POU2F3: variants seen among roughly 807,000 people sequenced by gnomAD.
POU2F3 encodes the protein POU domain, class 2, transcription factor 3.
A neutral mutation model predicts 59.2 loss-of-function variants in POU2F3; 23 were observed. The observed-to-expected ratio is 0.39, with a 90% confidence interval of 0.28 to 0.55. The LOEUF is 0.55. POU2F3 is among the 20% of genes least tolerant of loss of function. The pLI is 0.66. For missense variants in POU2F3, 473 were observed against 544.5 expected (o/e 0.87, Z 1.31); for synonymous variants, 190 against 214.6 (o/e 0.89, Z 1.00).
chr11:120,255,367 G>C (rs1939292630), intron 2 of POU2F3, among the ~76,000 whole-genome samples: 1 of 152,100 alleles, frequency 6.6e-6, no homozygotes, highest in African/African-American at 2.4e-5. Context: ...AAGCCGGGGA[G>C]CCCAGAGAGG....
At position 120,298,313 on chromosome 11, in the gene POU2F3, C is replaced by A. The variant is rs372543314; in HGVS notation, c.181C>A (p.Arg61=). The A allele has an allele frequency of 4.3e-6, 7 of 1,613,518 alleles. No individual in the cohort carries two copies. The highest frequency in any genetic ancestry group is 5.9e-6 in the Non-Finnish European group (7 of 1,179,774). ...CTCCCTGCAGCAGACCCTCTCCCAT[C>A]GGCCATGCCACCTGAGTCAAGGACC... ...SDSLQQTLSH[R]PCHLSQGPAM... Residue 61 remains arginine (R), a synonymous_variant, in exon 4 of 13, where the codon CGG becomes AGG. Transcript: ENST00000543440.
At chr11:120,260,454 C>A (rs903176380) in intron 2 of POU2F3, among the ~76,000 whole-genome samples, 1 of 152,210 alleles carries the variant, frequency 6.6e-6, no homozygotes, top group Non-Finnish European at 1.5e-5. Context: ...ACACTGGGCA[C>A]CTCCTCCATT....
rs1591433345 is a variant in POU2F3 at position 120,299,654 on chromosome 11, C to T, written c.289C>T (p.Leu97Phe). 6.2e-7 allele frequency: 1 copy of T among 1,613,948 alleles called. No individual in the cohort carries two copies. Among genetic ancestry groups the T allele is most frequent in the East Asian group, 2.2e-5 (1 of 44,882 alleles). Residue 97 changes from leucine to phenylalanine, a missense_variant, in exon 5 of 13, where the codon CTT becomes TTT. By Grantham distance (22) the Leu-to-Phe change is conservative (BLOSUM62 0). Coordinates refer to ENST00000543440, the MANE Select transcript of POU2F3 (RefSeq NM_014352.4). Reference protein sequence around the residue: ...DMASLHPLQQLVLVPGHLQSV... With the variant: ...DMASLHPLQQFVLVPGHLQSV... ...GGCTTCCCTCCATCCGCTCCAGCAG[C>T]TTGTGCTGGTTCCCGGCCACTTACA...
rs3824883 is a variant in POU2F3 at position 120,301,979 on chromosome 11, C to T, written c.362-307C>T. The T allele has an allele frequency of 0.036, 9,808 of 270,302 alleles. 2,460 individuals carry two copies. In the East Asian group the frequency reaches 0.6, roughly 17 times the overall value. The allele number at this position is 270,302 out of a possible 1,614,324, so 16.7% of individuals were successfully genotyped here. A position where few individuals can be genotyped will look rare whatever the true frequency, so the allele number is the denominator to read the frequency against. Reference sequence around the variant, plus strand: ...TTTCTTCAGCTCTGGTAATCAGATCCCAGAGTAGATCGTCTTGACCCTCCT... The same window carrying T: ...TTTCTTCAGCTCTGGTAATCAGATCTCAGAGTAGATCGTCTTGACCCTCCT... On this transcript the variant is annotated intron_variant, in intron 5 of 12. Transcript: ENST00000543440.
chr11:120,274,700 T>C (rs891437910), intron 3 of POU2F3, among the ~76,000 whole-genome samples: 3 of 152,118 alleles, frequency 2.0e-5, no homozygotes, highest in Non-Finnish European at 4.4e-5. Context: ...AAGATGCATA[T>C]TGGGGAGTTG....
In POU2F3 at chr11:120,291,096, G is replaced by T. The variant is rs1038831988; in HGVS notation, c.133-7169G>T. Among the ~76,000 whole-genome samples the T allele has an allele frequency of 3.3e-5, 5 of 152,236 alleles. No homozygotes were observed. The East Asian group carries it at 9.6e-4, about 29-fold the overall frequency. The stretch of plus-strand genomic sequence containing the variant: ...CATTATGTTTCCATATCAAACAGAT[G>T]TGTGTTTATCTGATTCTGAACCTTG... On this transcript the variant is annotated intron_variant, in intron 3 of 12. Transcript: ENST00000543440.
chr11:120,246,197 G>A (rs1276294022), intron 1 of POU2F3, among the ~76,000 whole-genome samples: 1 of 152,120 alleles, frequency 6.6e-6, no homozygotes, highest in Non-Finnish European at 1.5e-5. Flanking sequence ...TGATGCAAAA[G>A]GTGAGAGACC....
At chr11:120,277,311 A>G (rs1301769546) in intron 3 of POU2F3, among the ~76,000 whole-genome samples, 1 of 151,938 alleles carries the variant, frequency 6.6e-6, no homozygotes, top group East Asian at 1.9e-4. Flanking sequence ...AAATAAAAAA[A>G]TTTTAAAAAG....
At chr11:120,257,390 C>T (rs1281979407) in intron 2 of POU2F3, among the ~76,000 whole-genome samples, 4 of 151,986 alleles carry the variant, frequency 2.6e-5, no homozygotes, top group Admixed American at 2.6e-4. Flanking sequence ...GCCTACCACC[C>T]TTCCCTCAGA....
In POU2F3 at chr11:120,318,653, C is replaced by T. The variant is rs1193806934; in HGVS notation, c.*261C>T. ...CATTTTCACCTTCCTTGCCTATGCCCTTGCCTTCTAGTTCCAAATATTTTA... is the reference window on the plus strand; with the variant it reads ...CATTTTCACCTTCCTTGCCTATGCCTTTGCCTTCTAGTTCCAAATATTTTA... On this transcript the variant is annotated 3_prime_UTR_variant, in exon 13 of 13. Coordinates refer to ENST00000543440, the MANE Select transcript of POU2F3 (RefSeq NM_014352.4). 20 of 410,822 alleles carry T rather than the reference C, an allele frequency of 4.9e-5. No individual in the cohort carries two copies. The highest frequency in any genetic ancestry group is 7.3e-5 in the Non-Finnish European group (17 of 232,858). The allele number at this position is 410,822 out of a possible 1,614,324, so 25.4% of individuals were successfully genotyped here. A position where few individuals can be genotyped will look rare whatever the true frequency, so the allele number is the denominator to read the frequency against.
chr11:120,284,031 T>A (rs1452566901), intron 3 of POU2F3, among the ~76,000 whole-genome samples: 2 of 151,840 alleles, frequency 1.3e-5, no homozygotes, highest in African/African-American at 4.8e-5. Context: ...TACAAAAAAT[T>A]AGTGGGGCAC....
chr11:120,246,306 G>T (rs2135127457), intron 1 of POU2F3, 143 bp from the exon 2 acceptor site: 2 of 850,514 alleles, frequency 2.4e-6, no homozygotes, highest in Non-Finnish European at 3.9e-6. Flanking sequence ...TATTCTAATG[G>T]TTGTATGTTC....
intron 1 of POU2F3, among the ~76,000 whole-genome samples, chr11:120,240,657 T>A (rs1015546779): frequency 6.6e-6 from 1 of 151,832 alleles, no homozygotes; most frequent in Non-Finnish European, 1.5e-5. Flanking sequence ...GGGACGTGGG[T>A]GTACTGAACT....
At chr11:120,268,344 T>G (rs1473514007) in intron 2 of POU2F3, among the ~76,000 whole-genome samples, 7 of 152,126 alleles carry the variant, frequency 4.6e-5, no homozygotes, top group Non-Finnish European at 1.0e-4. Context: ...ATGTATTTAT[T>G]TATTTATTTA....
chr11:120,295,591 T>C (rs1331741811), intron 3 of POU2F3, among the ~76,000 whole-genome samples: 1 of 152,238 alleles, frequency 6.6e-6, no homozygotes, highest in Non-Finnish European at 1.5e-5. Context: ...AAGTAGTTTA[T>C]CATCTATTTC....
At chr11:120,238,684 A>G (rs533514263), upstream of POU2F3, among the ~76,000 whole-genome samples, 1 of 151,928 alleles carries the variant, frequency 6.6e-6, no homozygotes, top group East Asian at 1.9e-4. Context: ...AAACACAAAA[A>G]TTAGCTGGGT....
At chr11:120,298,787 G>T (rs1468648139) in intron 4 of POU2F3, among the ~76,000 whole-genome samples, 1 of 152,216 alleles carries the variant, frequency 6.6e-6, no homozygotes, top group African/African-American at 2.4e-5. Flanking sequence ...GAGTGCTGGT[G>T]GGGGAAGAAA....
At chr11:120,316,139 G>A (rs1941784267) in intron 11 of POU2F3, among the ~76,000 whole-genome samples, 1 of 152,016 alleles carries the variant, frequency 6.6e-6, no homozygotes, top group Admixed American at 6.5e-5. Flanking sequence ...CTCCCAAAGT[G>A]CTGGGATTAC....
intron 2 of POU2F3, among the ~76,000 whole-genome samples, chr11:120,259,576 C>T (rs1418052158): frequency 6.6e-6 from 1 of 152,230 alleles, no homozygotes; most frequent in African/African-American, 2.4e-5. Context: ...CCCACAGTCC[C>T]TCATGGGGCC....
Sources: gnomAD v4.1 joint callset for allele counts (sites outside exome capture counted in the v4.1 genomes callset) on GRCh38, gnomAD v4.1.1 for gene constraint, MANE v1.5 for transcripts, NCBI Gene and HGNC (gene_info 2026-07-23, HGNC 2026-07-21) for gene names.